Variants in CSMD3 observed in about 807,000 individuals in gnomAD.
CSMD3 encodes the protein CUB and Sushi multiple domains 3.
A neutral mutation model predicts 435.2 loss-of-function variants in CSMD3; 177 were observed. That is an observed-to-expected ratio of 0.41 (90% CI 0.36 to 0.46). CSMD3 has a LOEUF of 0.46. Among genes scored for constraint, CSMD3 ranks in the 20% least tolerant of loss-of-function variants. The probability of loss-of-function intolerance (pLI) is 0.34; values close to 1 mark genes in which losing one functional copy is unlikely to be tolerated. For synonymous variants in CSMD3, 1,656 were observed against 1,520.5 expected (o/e 1.09, Z -2.07); for missense variants, 4,265 against 4,504.6 (o/e 0.95, Z 1.52).
intron 25 of CSMD3, among the ~76,000 whole-genome samples, chr8:112,554,162 TATAG>T (rs1467870020): frequency 6.6e-6 from 1 of 151,764 alleles, no homozygotes; most frequent in African/African-American, 2.4e-5. Flanking sequence ...AATAAAGCTC[TATAG>T]ATAGATAGAT....
intron 3 of CSMD3, among the ~76,000 whole-genome samples, chr8:113,217,717 G>C (rs552543072): frequency 6.6e-6 from 1 of 151,424 alleles, no homozygotes; most frequent in African/African-American, 2.4e-5. Context: ...GATATGTAGA[G>C]GAATATCAAG....
chr8:113,037,067 G>A (rs1017700430), intron 5 of CSMD3, among the ~76,000 whole-genome samples: 1 of 152,174 alleles, frequency 6.6e-6, no homozygotes, highest in East Asian at 1.9e-4. Flanking sequence ...CAATGAAGTA[G>A]AAATTTTTCA....
At chr8:112,844,359 CCTT>C (rs1162405934) in intron 11 of CSMD3, among the ~76,000 whole-genome samples, 1 of 151,916 alleles carries the variant, frequency 6.6e-6, no homozygotes, top group African/African-American at 2.4e-5. Flanking sequence ...TCCATGTACT[CCTT>C]CTCCTACCAT....
chr8:112,621,876 C>G (rs1834098643), intron 22 of CSMD3, among the ~76,000 whole-genome samples: 1 of 152,128 alleles, frequency 6.6e-6, no homozygotes, highest in Admixed American at 6.6e-5. Flanking sequence ...AATATGGACT[C>G]TCTTATGATC....
At chr8:112,932,625 G>A (rs958073651) in intron 9 of CSMD3, among the ~76,000 whole-genome samples, 13 of 151,304 alleles carry the variant, frequency 8.6e-5, no homozygotes, top group South Asian at 4.2e-4. Context: ...GAGACAGAGC[G>A]AGAAAAAAAA....
intron 13 of CSMD3, among the ~76,000 whole-genome samples, chr8:112,696,984 C>A (rs534044981): frequency 6.6e-6 from 1 of 151,982 alleles, no homozygotes; most frequent in Non-Finnish European, 1.5e-5. Context: ...AAATGCTCAT[C>A]ATCACTGGCC....
chr8:112,960,210 T>C (rs746744112), intron 7 of CSMD3, among the ~76,000 whole-genome samples: 3 of 151,606 alleles, frequency 2.0e-5, no homozygotes, highest in Admixed American at 1.3e-4. Context: ...CATCCTGTAC[T>C]GGCTGAACAA....
At chr8:112,926,649 T>A (rs1421226140) in intron 9 of CSMD3, among the ~76,000 whole-genome samples, 1 of 152,132 alleles carries the variant, frequency 6.6e-6, no homozygotes, top group African/African-American at 2.4e-5. Context: ...ATGAGGTTTT[T>A]CAAAATACAC....
At chr8:112,285,922 G>T (rs1182443442) in intron 58 of CSMD3, among the ~76,000 whole-genome samples, 1 of 151,542 alleles carries the variant, frequency 6.6e-6, no homozygotes, top group African/African-American at 2.4e-5. Context: ...TCTCAGGCTG[G>T]GTCCTACTCA....
At chr8:113,046,376 A>G (rs1243534085) in intron 5 of CSMD3, among the ~76,000 whole-genome samples, 2 of 149,706 alleles carry the variant, frequency 1.3e-5, no homozygotes, top group East Asian at 3.9e-4. Context: ...AAACAACAAT[A>G]ACAAAACAAA....
intron 3 of CSMD3, among the ~76,000 whole-genome samples, chr8:113,231,733 G>T (rs1259963736): frequency 6.6e-6 from 1 of 151,304 alleles, no homozygotes; most frequent in Non-Finnish European, 1.5e-5. Context: ...TTTATGGATA[G>T]CAAAAAGCAG....
At chr8:112,879,927 G>T (rs112597851) in intron 10 of CSMD3, among the ~76,000 whole-genome samples, 6,717 of 152,064 alleles carry the variant, frequency 0.044, 170 homozygotes, top group African/African-American at 0.055. Context: ...TTGGGGGGTG[G>T]AGGGTTAGGG....
In CSMD3 at chr8:112,650,444, A is replaced by C. The variant is rs1013032487; in HGVS notation, c.3005-95T>G. On this transcript the variant is annotated intron_variant, in intron 18 of 70. Coordinates refer to ENST00000297405, the MANE Select transcript of CSMD3 (RefSeq NM_198123.2). ...GTTCTTCAAACAATTACAAGCAATG[A>C]TTTTTACAAATAAAGGTACTCGTAC... is the stretch of plus-strand genomic sequence containing the variant. 3 of 1,007,186 alleles carry C rather than the reference A, an allele frequency of 3.0e-6. No individual in the cohort carries two copies. The Admixed American group carries it at 5.4e-5, about 18-fold the overall frequency. The allele number at this position is 1,007,186 out of a possible 1,614,324, so 62.4% of individuals were successfully genotyped here.
At chr8:113,009,627 A>G (rs1014783905) in intron 6 of CSMD3, among the ~76,000 whole-genome samples, 5 of 151,838 alleles carry the variant, frequency 3.3e-5, no homozygotes, top group Admixed American at 1.3e-4. Context: ...GTTATGAAAA[A>G]TCTAAACAGT....
intron 5 of CSMD3, among the ~76,000 whole-genome samples, chr8:113,027,461 G>A (rs1446902915): frequency 6.6e-6 from 1 of 152,154 alleles, no homozygotes; most frequent in African/African-American, 2.4e-5. Context: ...CACTGTGCAA[G>A]TCATGTATGT....
intron 1 of CSMD3, among the ~76,000 whole-genome samples, chr8:113,390,825 AT>A (rs1008995688): frequency 1.3e-5 from 2 of 151,960 alleles, no homozygotes; most frequent in Non-Finnish European, 2.9e-5. Context: ...TCATACTTTT[AT>A]TTCTCAAAAT....
chr8:113,405,430 T>C (rs1563789494), intron 1 of CSMD3, among the ~76,000 whole-genome samples: 1 of 151,626 alleles, frequency 6.6e-6, no homozygotes, highest in South Asian at 2.1e-4. Flanking sequence ...AGTACTTATA[T>C]ACTGCAAAGT....
chr8:112,876,697 C>G lies in CSMD3; in HGVS notation c.1634-17431G>C, dbSNP rs561409233. Among the ~76,000 whole-genome samples, 243 of 152,088 alleles carry G rather than the reference C, an allele frequency of 1.6e-3. 1 individual carries two copies. Among genetic ancestry groups the G allele is most frequent in the Non-Finnish European group, 3.2e-3 (221 of 68,024 alleles). On this transcript the variant is annotated intron_variant, in intron 10 of 70. Transcript: ENST00000297405. ...GAAGCATTCCCTTTGAAAACCAGCA[C>G]AAGACAAGGATGCCCTCTCTCACTA...
In CSMD3 at chr8:112,259,784, G is replaced by C. The variant is rs79428768; in HGVS notation, c.9862+3855C>G. Among the ~76,000 whole-genome samples, 556 of 152,232 alleles carry C rather than the reference G, an allele frequency of 3.7e-3. 3 individuals are homozygous for C. Among genetic ancestry groups the C allele is most frequent in the African/African-American group, 0.013 (531 of 41,532 alleles). On this transcript the variant is annotated intron_variant, in intron 61 of 70. Coordinates refer to ENST00000297405, the MANE Select transcript of CSMD3 (RefSeq NM_198123.2). ...ATCAAACCCAAAAGCCAGGGACACT[G>C]TCTTATTAATCTTTGTATATTCAGT...
Sources: allele counts gnomAD v4.1 joint callset (sites outside exome capture counted in the v4.1 genomes callset), GRCh38; gene constraint gnomAD v4.1.1; transcripts MANE v1.5; gene names NCBI Gene and HGNC (gene_info 2026-07-23, HGNC 2026-07-21).